SLC39A11: variants seen among roughly 807,000 people sequenced by gnomAD.
SLC39A11 encodes zinc transporter ZIP11.
Under a neutral mutation model 36.1 loss-of-function variants are expected in SLC39A11, and 33 were observed. That is an observed-to-expected ratio of 0.91 (90% CI 0.69 to 1.22). The LOEUF (loss-of-function observed/expected upper bound fraction) is 1.22. Among genes scored for constraint, SLC39A11 ranks in the 50% most tolerant of loss-of-function variants. SLC39A11 has a pLI of 0.00. For synonymous variants in SLC39A11, 166 were observed against 170.3 expected (o/e 0.97, Z 0.20); for missense variants, 432 against 430.3 (o/e 1.00, Z -0.03).
chr17:72,967,345 G>A (rs1256703408), intron 4 of SLC39A11, among the ~76,000 whole-genome samples: 1 of 137,982 alleles, frequency 7.2e-6, no homozygotes, highest in Non-Finnish European at 1.6e-5. Flanking sequence ...ACCCTCATGA[G>A]AAGAAAATGC....
At chr17:72,904,059 G>A (rs2082528595) in intron 5 of SLC39A11, among the ~76,000 whole-genome samples, 1 of 152,186 alleles carries the variant, frequency 6.6e-6, no homozygotes, top group Admixed American at 6.5e-5. Context: ...CACAGCTAGG[G>A]CCTCCTTCCT....
chr17:72,890,161 AGG>A (rs1169172043), intron 5 of SLC39A11, among the ~76,000 whole-genome samples: 1 of 152,070 alleles, frequency 6.6e-6, no homozygotes, highest in Non-Finnish European at 1.5e-5. Context: ...GCTACTTGGG[AGG>A]CTGAGACAGG....
chr17:72,688,026 C>T (rs904779117), intron 7 of SLC39A11, among the ~76,000 whole-genome samples: 4 of 152,120 alleles, frequency 2.6e-5, no homozygotes, highest in Admixed American at 6.5e-5. Flanking sequence ...TGACCCAAGC[C>T]GGGGACAAAC....
chr17:72,801,570 A>G (rs1482228404), intron 6 of SLC39A11, among the ~76,000 whole-genome samples: 2 of 152,242 alleles, frequency 1.3e-5, no homozygotes, highest in Admixed American at 1.3e-4. Context: ...ATGGCTGCAC[A>G]ATTTTGAATA....
intron 4 of SLC39A11, among the ~76,000 whole-genome samples, chr17:72,967,889 C>T (rs762429567): frequency 6.6e-6 from 1 of 152,110 alleles, no homozygotes; most frequent in Non-Finnish European, 1.5e-5. Context: ...CTAAGGAGGG[C>T]GCTTTCCTCT....
chr17:72,655,296 T>C (rs1387233211), intron 7 of SLC39A11, among the ~76,000 whole-genome samples: 1 of 152,200 alleles, frequency 6.6e-6, no homozygotes, highest in Non-Finnish European at 1.5e-5. Flanking sequence ...GGCCCACTGG[T>C]GGGGGTGGCC....
intron 5 of SLC39A11, among the ~76,000 whole-genome samples, chr17:72,946,036 C>T (rs1174512089): frequency 1.3e-5 from 2 of 152,278 alleles, no homozygotes; most frequent in African/African-American, 4.8e-5. Flanking sequence ...AACCCAGGAG[C>T]CCAGCGCAGT....
chr17:72,741,566 G>A (rs1440128260), intron 6 of SLC39A11, among the ~76,000 whole-genome samples: 1 of 152,148 alleles, frequency 6.6e-6, no homozygotes, highest in African/African-American at 2.4e-5. Flanking sequence ...CCCATTTCCC[G>A]AGGCAAAGAA....
At chr17:72,648,256 G>T (rs1408539635) in intron 9 of SLC39A11, among the ~76,000 whole-genome samples, 2 of 149,890 alleles carry the variant, frequency 1.3e-5, no homozygotes, top group Non-Finnish European at 3.0e-5. Context: ...CTTGAACCTG[G>T]GGGGCGGAGG....
chr17:72,892,033 CTAT>C (rs1453741890), intron 5 of SLC39A11, among the ~76,000 whole-genome samples: 1 of 127,562 alleles, frequency 7.8e-6, no homozygotes, highest in Non-Finnish European at 1.7e-5. Flanking sequence ...AGAGATAAGA[CTAT>C]TTTTTTTCCC....
Position 72,735,410 on chromosome 17 carries a change from A to G in SLC39A11, c.671+1240T>C, listed in dbSNP as rs148017879. On this transcript the variant is annotated intron_variant, in intron 7 of 9. Coordinates refer to ENST00000255559, the MANE Select transcript of SLC39A11 (RefSeq NM_139177.4). ...GGATGGAAAAGGGGTTATGTGAGAA[A>G]TTCGTTTCTGACAGTCACGATCAAT... Among the ~76,000 whole-genome samples the G allele has an allele frequency of 3.3e-5, 5 of 152,246 alleles. No homozygotes were observed. In the East Asian group the frequency reaches 9.7e-4, roughly 29 times the overall value.
intron 7 of SLC39A11, among the ~76,000 whole-genome samples, chr17:72,679,162 A>G (rs1030700772): frequency 5.3e-5 from 8 of 152,222 alleles, no homozygotes; most frequent in Non-Finnish European, 1.2e-4. Context: ...TAAGGGGTAC[A>G]GTAAGAATAC....
chr17:72,757,643 A>ATT (rs568776835), intron 6 of SLC39A11, among the ~76,000 whole-genome samples: 9 of 140,780 alleles, frequency 6.4e-5, no homozygotes, highest in African/African-American at 1.8e-4. Context: ...TGTCTGGCAC[A>ATT]TTTTTTTTTT....
At chr17:72,658,538 C>T (rs914350344) in intron 7 of SLC39A11, among the ~76,000 whole-genome samples, 1 of 152,204 alleles carries the variant, frequency 6.6e-6, no homozygotes, top group African/African-American at 2.4e-5. Flanking sequence ...CCTCCTCCTA[C>T]TACCCCCCAC....
chr17:73,004,222 A>AG (rs774603539), intron 4 of SLC39A11, among the ~76,000 whole-genome samples: 1,530 of 90,840 alleles, frequency 0.017, 111 homozygotes, highest in African/African-American at 0.044. Flanking sequence ...AAAGAAAGAA[A>AG]GAAAGAAAGA....
At chr17:72,732,040 C>CTTTTTTTTTTTTTTTTTTTTTTTT (rs764728558) in intron 7 of SLC39A11, among the ~76,000 whole-genome samples, 4 of 33,656 alleles carry the variant, frequency 1.2e-4, no homozygotes, top group African/African-American at 3.6e-4. Context: ...CTTTTCTTTT[C>CTTTTTTTTTTTTTTTTTTTTTTTT]TTTTTTTTTT....
At chr17:72,712,426 C>T (rs1022417333) in intron 7 of SLC39A11, among the ~76,000 whole-genome samples, 2 of 152,180 alleles carry the variant, frequency 1.3e-5, no homozygotes, top group Admixed American at 1.3e-4. Flanking sequence ...GGTCAACCCT[C>T]CCTTTATTTT....
intron 6 of SLC39A11, among the ~76,000 whole-genome samples, chr17:72,841,227 C>T (rs756090080): frequency 2.6e-5 from 4 of 152,128 alleles, no homozygotes; most frequent in South Asian, 4.1e-4. Flanking sequence ...CCAAAAAGAA[C>T]GCAGTATAGA....
At chr17:72,918,418 A>G (rs185716222) in intron 5 of SLC39A11, among the ~76,000 whole-genome samples, 2 of 152,222 alleles carry the variant, frequency 1.3e-5, no homozygotes, top group African/African-American at 2.4e-5. Context: ...TCCAAAAAAG[A>G]AAAAAGAAAA....
Sources: allele counts gnomAD v4.1 joint callset (sites outside exome capture counted in the v4.1 genomes callset), GRCh38; gene constraint gnomAD v4.1.1; transcripts MANE v1.5; gene names NCBI Gene and HGNC (gene_info 2026-07-23, HGNC 2026-07-21).